Variants in MTUS2 observed in about 807,000 individuals in gnomAD.
MTUS2 encodes microtubule associated scaffold protein 2.
Under a neutral mutation model 114.1 loss-of-function variants are expected in MTUS2, and 40 were observed. The ratio of observed to expected loss-of-function variants is 0.35; its 90% CI spans 0.27 to 0.46. The LOEUF is 0.46. Among genes scored for constraint, MTUS2 ranks in the 20% least tolerant of loss-of-function variants. MTUS2 has a pLI of 1.00. For synonymous variants in MTUS2, 688 were observed against 672.0 expected (o/e 1.02, Z -0.37); for missense variants, 1,679 against 1,705.4 (o/e 0.98, Z 0.27).
intron 5 of MTUS2, among the ~76,000 whole-genome samples, chr13:29,104,785 A>G (rs1890584747): frequency 6.6e-6 from 1 of 152,228 alleles, no homozygotes; most frequent in African/African-American, 2.4e-5. Context: ...ACATTGAAAG[A>G]GGGAACGTAA....
At chr13:29,375,548 TATATATATAC>T (rs1871566316) in intron 8 of MTUS2, among the ~76,000 whole-genome samples, 1 of 17,214 alleles carries the variant, frequency 5.8e-5, no homozygotes, top group Non-Finnish European at 9.8e-5. Context: ...CGTGTATATA[TATATATATAC>T]GTATATATAT....
intron 2 of MTUS2, among the ~76,000 whole-genome samples, chr13:28,882,153 A>G (rs2935196): frequency 0.15 from 22,638 of 151,782 alleles, 1,936 homozygotes; most frequent in African/African-American, 0.21. Context: ...TCTGCCCCCT[A>G]GGTTCAAACA....
chr13:29,471,249 AG>A (rs1191624923), intron 9 of MTUS2, among the ~76,000 whole-genome samples: 1 of 152,280 alleles, frequency 6.6e-6, no homozygotes, highest in Non-Finnish European at 1.5e-5. Flanking sequence ...AGGCTGAGGC[AG>A]GAGAATCGCT....
At chr13:29,048,165 T>C (rs1309491651) in intron 4 of MTUS2, among the ~76,000 whole-genome samples, 4 of 152,248 alleles carry the variant, frequency 2.6e-5, no homozygotes, top group African/African-American at 7.2e-5. Context: ...CTTCATCCTT[T>C]CAGTGTATTT....
intron 4 of MTUS2, among the ~76,000 whole-genome samples, chr13:29,054,317 G>C (rs1246327269): frequency 6.6e-6 from 1 of 152,132 alleles, no homozygotes; most frequent in South Asian, 2.1e-4. Flanking sequence ...CTAAATACAA[G>C]TTTTTGTTTA....
At chr13:28,971,070 T>C (rs1482804086) in intron 2 of MTUS2, among the ~76,000 whole-genome samples, 7 of 152,208 alleles carry the variant, frequency 4.6e-5, no homozygotes, top group Non-Finnish European at 1.0e-4. Flanking sequence ...TATTATATGC[T>C]CTTCATCCCT....
intron 5 of MTUS2, among the ~76,000 whole-genome samples, chr13:29,209,782 TTC>T (rs1209051358): frequency 6.6e-6 from 1 of 152,204 alleles, no homozygotes; most frequent in Non-Finnish European, 1.5e-5. Flanking sequence ...TTTGTAGGGT[TTC>T]TGCTGAGAAA....
intron 9 of MTUS2, among the ~76,000 whole-genome samples, chr13:29,459,690 T>C (rs972860673): frequency 5.3e-5 from 8 of 152,098 alleles, no homozygotes; most frequent in Admixed American, 4.6e-4. Flanking sequence ...AATGCTTGAA[T>C]TTTTTTTAGC....
intron 2 of MTUS2, among the ~76,000 whole-genome samples, chr13:29,000,529 A>AT (rs574166232): frequency 2.6e-5 from 4 of 151,572 alleles, no homozygotes; most frequent in South Asian, 2.1e-4. Flanking sequence ...CACCCGGGTA[A>AT]TTTTTTTTGT....
intron 4 of MTUS2, among the ~76,000 whole-genome samples, chr13:29,063,379 A>G (rs1037332072): frequency 6.6e-6 from 1 of 152,184 alleles, no homozygotes; most frequent in African/African-American, 2.4e-5. Flanking sequence ...AACCTGAAAG[A>G]ACTGTAATAT....
intron 2 of MTUS2, among the ~76,000 whole-genome samples, chr13:28,926,993 T>G (rs1881361499): frequency 1.3e-5 from 2 of 152,314 alleles, no homozygotes; most frequent in Non-Finnish European, 2.9e-5. Context: ...ATTTGTTAGT[T>G]TGTTAGATTC....
intron 5 of MTUS2, among the ~76,000 whole-genome samples, chr13:29,173,872 T>C (rs1317133801): frequency 6.6e-6 from 1 of 152,176 alleles, no homozygotes; most frequent in Non-Finnish European, 1.5e-5. Flanking sequence ...AGGCTTAAAC[T>C]TAGACTTAAC....
chr13:28,848,519 G>T (rs1876034794), intron 2 of MTUS2, among the ~76,000 whole-genome samples: 1 of 152,004 alleles, frequency 6.6e-6, no homozygotes, highest in Non-Finnish European at 1.5e-5. Flanking sequence ...TTGTTGGAAT[G>T]TTAGTGGTAC....
rs545551039 is a variant in MTUS2, at chr13:29,047,397, G to T, written c.2446+13272G>T. ...ATTCTGATGCAGCTGTTTTGATGCC[G>T]GCATTTTGATAAAATGCCAGCCAAA... On this transcript the variant is annotated intron_variant, in intron 4 of 15. Transcript: ENST00000612955. Among the ~76,000 whole-genome samples, 14 of 152,106 alleles carry T rather than the reference G, an allele frequency of 9.2e-5. No homozygotes were observed. The South Asian group carries it at 1.9e-3, about 20-fold the overall frequency.
chr13:29,369,161 AG>A (rs1044140662), intron 8 of MTUS2, among the ~76,000 whole-genome samples: 65 of 152,306 alleles, frequency 4.3e-4, no homozygotes, highest in African/African-American at 1.4e-3. Flanking sequence ...AGACTTTGGC[AG>A]TTTGGCAAGA....
intron 5 of MTUS2, among the ~76,000 whole-genome samples, chr13:29,177,925 T>C (rs1893842760): frequency 6.6e-6 from 1 of 152,188 alleles, no homozygotes; most frequent in African/African-American, 2.4e-5. Flanking sequence ...GCACTCTTGC[T>C]TGCTTTCTTT....
At chr13:29,227,053 T>C (rs748698100) in intron 5 of MTUS2, among the ~76,000 whole-genome samples, 1 of 151,542 alleles carries the variant, frequency 6.6e-6, no homozygotes, top group African/African-American at 2.4e-5. Context: ...AGATCAGGAG[T>C]CTGAGACCAG....
At chr13:29,268,442 G>A (rs1262143826) in intron 5 of MTUS2, among the ~76,000 whole-genome samples, 2 of 152,058 alleles carry the variant, frequency 1.3e-5, no homozygotes, top group African/African-American at 4.8e-5. Context: ...GAGTCTTCAC[G>A]ATGCTCCCGA....
intron 8 of MTUS2, among the ~76,000 whole-genome samples, chr13:29,420,627 G>A (rs1876026796): frequency 6.6e-6 from 1 of 152,088 alleles, no homozygotes; most frequent in Non-Finnish European, 1.5e-5. Context: ...CTGATATTCA[G>A]CTTATGGTTC....
Sources: allele counts gnomAD v4.1 joint callset (sites outside exome capture counted in the v4.1 genomes callset), GRCh38; gene constraint gnomAD v4.1.1; transcripts MANE v1.5; gene names NCBI Gene and HGNC (gene_info 2026-07-23, HGNC 2026-07-21).